Variants in ENTREP2 observed in about 807,000 individuals in gnomAD.
The protein encoded by ENTREP2 is endosomal transmembrane epsin interactor 2.
chr15:29,506,096 C>T, the ENTREP2 span, among the ~76,000 whole-genome samples: 344 of 152,150 alleles, frequency 2.3e-3, 1 homozygote, highest in African/African-American at 7.7e-3. Flanking sequence ...AAACACAACA[C>T]GAGAACTTCG....
At chr15:29,330,370 A>T in the ENTREP2 span, among the ~76,000 whole-genome samples, 1 of 151,688 alleles carries the variant, frequency 6.6e-6, no homozygotes, top group South Asian at 2.1e-4. Flanking sequence ...AACCGTTTGA[A>T]CCCGGGAGGC....
chr15:29,338,833 G>A, the ENTREP2 span, among the ~76,000 whole-genome samples: 1,213 of 152,280 alleles, frequency 8.0e-3, 19 homozygotes, highest in African/African-American at 0.028. Context: ...AAACGGTTGT[G>A]GGAGGCATAG....
At chr15:29,439,080 G>A in the ENTREP2 span, among the ~76,000 whole-genome samples, 1 of 152,130 alleles carries the variant, frequency 6.6e-6, no homozygotes, top group Non-Finnish European at 1.5e-5. Context: ...ATAGAGCATA[G>A]AAGCAATGAT....
At chr15:29,408,605 G>A in the ENTREP2 span, among the ~76,000 whole-genome samples, 3 of 152,068 alleles carry the variant, frequency 2.0e-5, no homozygotes, top group Non-Finnish European at 4.4e-5. Context: ...TACTTCCTTT[G>A]GTCTCTGCAA....
chr15:29,621,261 C>T, the ENTREP2 span, among the ~76,000 whole-genome samples: 5 of 150,900 alleles, frequency 3.3e-5, 1 homozygote, highest in South Asian at 6.3e-4. Context: ...CAGTGGCTCA[C>T]GCCTGTAATC....
chr15:29,285,628 G>C, the ENTREP2 span, among the ~76,000 whole-genome samples: 1 of 152,092 alleles, frequency 6.6e-6, no homozygotes, highest in African/African-American at 2.4e-5. Flanking sequence ...AAATTCCACT[G>C]AACATTTGAA....
At chr15:29,156,258 C>T in the ENTREP2 span, among the ~76,000 whole-genome samples, 1 of 151,974 alleles carries the variant, frequency 6.6e-6, no homozygotes. Context: ...GATCTTGGCT[C>T]ACTGCAACTT....
the ENTREP2 span, among the ~76,000 whole-genome samples, chr15:29,262,327 T>TAA: frequency 6.6e-6 from 1 of 152,138 alleles, no homozygotes; most frequent in Non-Finnish European, 1.5e-5. Context: ...TGATTGTGGG[T>TAA]CAAAAGACCC....
At chr15:29,505,811 G>C in the ENTREP2 span, among the ~76,000 whole-genome samples, 1 of 152,244 alleles carries the variant, frequency 6.6e-6, no homozygotes, top group African/African-American at 2.4e-5. This position sits in a 1 kb window ranked among gnomAD's most constrained non-coding sequence, Gnocchi z 4.3. Context: ...AGAAAAACCA[G>C]AGAAAAAAGG....
the ENTREP2 span, among the ~76,000 whole-genome samples, chr15:29,140,541 G>A: frequency 1.3e-5 from 2 of 152,018 alleles, no homozygotes; most frequent in East Asian, 1.9e-4. Flanking sequence ...CTAACCCAGC[G>A]CCCCCAAACT....
the ENTREP2 span, among the ~76,000 whole-genome samples, chr15:29,521,861 A>AAC: frequency 0.01 from 1,576 of 151,204 alleles, 25 homozygotes; most frequent in African/African-American, 0.032. Context: ...CATACACTTA[A>AAC]ACACACACAC....
chr15:29,248,318 T>C, the ENTREP2 span, among the ~76,000 whole-genome samples: 2 of 152,186 alleles, frequency 1.3e-5, no homozygotes, highest in Non-Finnish European at 2.9e-5. Flanking sequence ...TTAAGCATGA[T>C]TCTAAGGTAA....
chr15:29,446,867 G>T, the ENTREP2 span, among the ~76,000 whole-genome samples: 593 of 152,240 alleles, frequency 3.9e-3, 5 homozygotes, highest in African/African-American at 0.014. Flanking sequence ...GGTATCTCTT[G>T]AGCCATTCTT....
At chr15:29,169,243 A>C in the ENTREP2 span, among the ~76,000 whole-genome samples, 1 of 152,206 alleles carries the variant, frequency 6.6e-6, no homozygotes, top group Non-Finnish European at 1.5e-5. Context: ...TGAACAAAAC[A>C]CCATTTTTAA....
the ENTREP2 span, among the ~76,000 whole-genome samples, chr15:29,299,644 C>A: frequency 6.6e-6 from 1 of 152,130 alleles, no homozygotes; most frequent in African/African-American, 2.4e-5. Context: ...GCCCACTGAC[C>A]CTCTCTGGCC....
At chr15:29,165,078 G>T in the ENTREP2 span, among the ~76,000 whole-genome samples, 1,388 of 152,166 alleles carry the variant, frequency 9.1e-3, 20 homozygotes, top group African/African-American at 0.031. Flanking sequence ...TGAGCATTGG[G>T]TCAAAAACGA....
chr15:29,492,750 T>G, the ENTREP2 span, among the ~76,000 whole-genome samples: 3 of 152,134 alleles, frequency 2.0e-5, no homozygotes, highest in African/African-American at 7.2e-5. Context: ...ATGCCTGTAA[T>G]CCCAGCACTT....
chr15:29,257,985 G>A, the ENTREP2 span, among the ~76,000 whole-genome samples: 1 of 152,024 alleles, frequency 6.6e-6, no homozygotes, highest in African/African-American at 2.4e-5. Context: ...GCTGAGGCGG[G>A]TGAATCATGA....
the ENTREP2 span, among the ~76,000 whole-genome samples, chr15:29,168,324 GA>G: frequency 6.6e-6 from 1 of 151,864 alleles, no homozygotes; most frequent in Non-Finnish European, 1.5e-5. Context: ...ATAACTTATG[GA>G]AAAAAAGAAT....
Sources: gnomAD v4.1 joint callset for allele counts (sites outside exome capture counted in the v4.1 genomes callset) on GRCh38, gnomAD v4.1.1 for gene constraint, Gnocchi (gnomAD v3.1) non-coding constraint, MANE v1.5 for transcripts, NCBI Gene and HGNC (gene_info 2026-07-23, HGNC 2026-07-21) for gene names.